MYOM2: variants seen among roughly 807,000 people sequenced by gnomAD.
MYOM2 encodes the protein myomesin-2.
Under a neutral mutation model 187.6 loss-of-function variants are expected in MYOM2, and 254 were observed. The observed-to-expected ratio is 1.35, with a 90% CI of 1.22 to 1.50. The LOEUF (loss-of-function observed/expected upper bound fraction) is 1.50, where lower values mean the gene tolerates loss of function less well. Among genes scored for constraint, MYOM2 ranks in the 40% most tolerant of loss-of-function variants. The pLI, the probability that MYOM2 is intolerant of heterozygous loss-of-function variation, is 0.00. For synonymous variants in MYOM2, 981 were observed against 753.8 expected (o/e 1.30, Z -4.94); for missense variants, 2,796 against 1,924.0 (o/e 1.45, Z -8.48).
At chr8:2,058,349 A>G (rs538529617) in intron 5 of MYOM2, among the ~76,000 whole-genome samples, 14 of 152,168 alleles carry the variant, frequency 9.2e-5, no homozygotes, top group Admixed American at 7.9e-4. Context: ...ACTACCCTGA[A>G]ATGATCATGG....
intron 18 of MYOM2, chr8:2,097,076 A>G: frequency 2.1e-6 from 2 of 971,412 alleles, no homozygotes; most frequent in South Asian, 4.7e-5. Flanking sequence ...TCCCGTCCGG[A>G]CTGTGGGGAG....
Position 2,123,682 on chromosome 8 carries a change from C to G in MYOM2, c.3655+40C>G, listed in dbSNP as rs190399373. 2.6e-5 allele frequency: 40 copies of G among 1,551,542 alleles called. No homozygotes were observed. In the African/African-American group the frequency reaches 5.1e-4, roughly 20 times the overall value. Reference sequence around the variant, plus strand: ...CCTTTGTTCTGTGAACAAGAAATTCCTTTCACCAACAGGATGGGATGTATT... The same window carrying G: ...CCTTTGTTCTGTGAACAAGAAATTCGTTTCACCAACAGGATGGGATGTATT... On this transcript the variant is annotated intron_variant, in intron 30 of 36. Coordinates refer to ENST00000262113, the MANE Select transcript of MYOM2 (RefSeq NM_003970.4).
intron 3 of MYOM2, among the ~76,000 whole-genome samples, chr8:2,055,108 A>G (rs376974682): frequency 4.0e-5 from 1 of 24,962 alleles, no homozygotes. Context: ...ATACTGGGGT[A>G]ACCAAGTACC....
chr8:2,098,609 G>T (rs536734345), intron 18 of MYOM2, among the ~76,000 whole-genome samples: 3 of 152,126 alleles, frequency 2.0e-5, no homozygotes, highest in Admixed American at 2.0e-4. Context: ...CGCAGGAGTG[G>T]GATTGAGTGA....
In MYOM2 at chr8:2,100,990, G is replaced by C. The variant is rs1460832217; in HGVS notation, c.2555G>C (p.Arg852Thr). The C allele has an allele frequency of 1.2e-6, 2 of 1,614,200 alleles. No homozygotes were observed. Among genetic ancestry groups the C allele is most frequent in the Non-Finnish European group, 1.7e-6 (2 of 1,180,040 alleles). Residue 852 changes from arginine to threonine, a missense_variant, in exon 20 of 37, where the codon AGG becomes ACG. By Grantham distance (71) the Arg-to-Thr change is moderately conservative. Coordinates refer to ENST00000262113, the MANE Select transcript of MYOM2 (RefSeq NM_003970.4). ...GTTTCTGGATATTTCGTGGACTTCA[G>C]GGAGGAGGATGCTGGAGAGTGGATC... ...SPVSGYFVDF[R>T]EEDAGEWITV...
chr8:2,091,608 A>G (rs1796304263), intron 15 of MYOM2, among the ~76,000 whole-genome samples: 1 of 152,180 alleles, frequency 6.6e-6, no homozygotes, highest in Non-Finnish European at 1.5e-5. Context: ...ACGGAAATGA[A>G]CAAGGTCACG....
rs1305184872 is a variant in MYOM2 at position 2,116,064 on chromosome 8, G to C, written c.3285G>C (p.Gly1095=). The change falls in exon 26 of 37, where the codon GGG becomes GGC. Residue 1095 remains glycine (G), a synonymous_variant. Transcript: ENST00000262113. ...EGTYTVQIHD[G]KAKSQSSLVL... ...CCTACACTGTGCAGATTCATGATGG[G>C]AAAGCCAAAAGTCAGTCTTCTCTAG... The C allele has an allele frequency of 2.9e-5, 46 of 1,613,696 alleles. No homozygotes were observed. Among genetic ancestry groups the C allele is most frequent in the Non-Finnish European group, 3.9e-5 (46 of 1,179,968 alleles).
At chr8:2,068,202 G>C (rs1016621182) in intron 6 of MYOM2, among the ~76,000 whole-genome samples, 5 of 150,852 alleles carry the variant, frequency 3.3e-5, no homozygotes, top group Admixed American at 2.6e-4. Context: ...GCATCCTGGG[G>C]ACAGCTCTTC....
At chr8:2,049,852 A>T (rs1430803767) in intron 1 of MYOM2, among the ~76,000 whole-genome samples, 1 of 152,152 alleles carries the variant, frequency 6.6e-6, no homozygotes, top group Non-Finnish European at 1.5e-5. Context: ...GTAATGCTGC[A>T]AGTTCCCAGA....
rs1475023528 is a variant in MYOM2, at chr8:2,090,085, C to G, written c.1722C>G (p.Asp574Glu). Reference protein sequence around the residue: ...AVRSPRYAVFDLMEGKSYVFR... With the variant: ...AVRSPRYAVFELMEGKSYVFR... The stretch of plus-strand genomic sequence containing the variant: ...GATCCCCGAGATATGCCGTGTTTGA[C>G]CTCATGGAAGGGAAGTCTTATGTGT... Residue 574 changes from aspartate to glutamate, a missense_variant, in exon 15 of 37, where the codon GAC becomes GAG. Asp to Glu is a conservative substitution (Grantham distance 45). Transcript: ENST00000262113. The G allele has an allele frequency of 6.2e-7, 1 of 1,614,026 alleles. No homozygotes were observed. Among genetic ancestry groups the G allele is most frequent in the South Asian group, 1.1e-5 (1 of 91,062 alleles).
chr8:2,122,539 ATT>A (rs1797493227), intron 28 of MYOM2, among the ~76,000 whole-genome samples: 1 of 152,250 alleles, frequency 6.6e-6, no homozygotes, highest in Non-Finnish European at 1.5e-5. Flanking sequence ...AATCATTTTC[ATT>A]CTTTTGTCAT....
At chr8:2,100,792 C>T in intron 19 of MYOM2, 84 bp from the exon 20 acceptor site, 2 of 1,368,916 alleles carry the variant, frequency 1.5e-6, no homozygotes, top group Non-Finnish European at 2.0e-6. Flanking sequence ...CCCAGAGGAG[C>T]AGTGGGTCCC....
chr8:2,105,827 C>A (rs1040098750), intron 21 of MYOM2, among the ~76,000 whole-genome samples: 6 of 152,178 alleles, frequency 3.9e-5, no homozygotes. Context: ...GGTACCCCCT[C>A]GGCATTAGTC....
At chr8:2,124,285 G>A (rs1797559299) in intron 31 of MYOM2, 68 bp downstream of exon 31, 4 of 1,476,652 alleles carry the variant, frequency 2.7e-6, no homozygotes, top group Non-Finnish European at 3.7e-6. Flanking sequence ...GACACGGGAA[G>A]TCACTGCTGC....
chr8:2,093,766 C>T (rs536410616), intron 16 of MYOM2, among the ~76,000 whole-genome samples: 7 of 152,348 alleles, frequency 4.6e-5, no homozygotes, highest in Non-Finnish European at 8.8e-5. Flanking sequence ...TTTGGCACCA[C>T]GTGTAGTCAG....
chr8:2,121,707 C>A (rs533007621), intron 28 of MYOM2, among the ~76,000 whole-genome samples: 3 of 142,394 alleles, frequency 2.1e-5, no homozygotes, highest in Admixed American at 7.2e-5. Flanking sequence ...TCAGAGAAAA[C>A]CATTTTTAAA....
intron 14 of MYOM2, among the ~76,000 whole-genome samples, chr8:2,088,957 TC>T (rs1796191589): frequency 6.6e-6 from 1 of 152,004 alleles, no homozygotes; most frequent in Non-Finnish European, 1.5e-5. Flanking sequence ...TGGACTGCGC[TC>T]GCTTGGGGTC....
chr8:2,098,787 A>G (rs750034936), intron 18 of MYOM2, 70 bp from the exon 19 acceptor site: 102 of 1,464,572 alleles, frequency 7.0e-5, no homozygotes, highest in Non-Finnish European at 9.1e-5. Flanking sequence ...CAGTTATAAC[A>G]ACTCCTCCCC....
At chr8:2,070,374 G>A (rs1283841129) in intron 8 of MYOM2, among the ~76,000 whole-genome samples, 2 of 152,184 alleles carry the variant, frequency 1.3e-5, no homozygotes, top group African/African-American at 4.8e-5. Context: ...GCCGCTGTGG[G>A]CGTGGCCTCT....
Sources: gnomAD v4.1 joint callset for allele counts (sites outside exome capture counted in the v4.1 genomes callset) on GRCh38, gnomAD v4.1.1 for gene constraint, MANE v1.5 for transcripts, NCBI Gene and HGNC (gene_info 2026-07-23, HGNC 2026-07-21) for gene names.